SDSL: variants seen among roughly 807,000 people sequenced by gnomAD.
SDSL encodes the protein serine dehydratase like.
SDSL carries 26 observed loss-of-function variants against 27.6 expected under a neutral mutation model. That is an observed-to-expected ratio of 0.94 (90% CI 0.69 to 1.31). The LOEUF is 1.31. SDSL is among the 50% of genes most tolerant of loss of function. SDSL has a pLI of 0.00. For synonymous variants in SDSL, 196 were observed against 180.6 expected (o/e 1.09, Z -0.69); for missense variants, 431 against 423.5 (o/e 1.02, Z -0.16).
intron 4 of SDSL, among the ~76,000 whole-genome samples, chr12:113,432,229 TTTCTTTCTTTCTTTC>T (rs1957932692): frequency 3.4e-5 from 2 of 59,582 alleles, no homozygotes; most frequent in Non-Finnish European, 7.9e-5. Context: ...TCTTTCTTTC[TTTCTTTCTTTCTTTC>T]TTTCTTTCTT....
intron 4 of SDSL, 62 bp downstream of exon 4, chr12:113,429,361 C>A (rs1957891734): frequency 1.3e-6 from 2 of 1,517,766 alleles, no homozygotes; most frequent in Non-Finnish European, 1.8e-6. Flanking sequence ...CTCACCCCAC[C>A]CCTAAGACAT....
In SDSL at chr12:113,428,110, C is replaced by G. The variant is rs778002654; in HGVS notation, c.128C>G (p.Pro43Arg). Residue 43 changes from proline (P) to arginine (R), a missense_variant, in exon 2 of 8, where the codon CCC becomes CGC. By Grantham distance (103) the Pro-to-Arg change is moderately radical. Transcript: ENST00000403593. Reference sequence around the variant, plus strand: ...TTCCTCAAGTGTGAGAATGTGCAGCCCAGCGGCTCCTTCAAGATTCGGGGC... The same window carrying G: ...TTCCTCAAGTGTGAGAATGTGCAGCGCAGCGGCTCCTTCAAGATTCGGGGC... Reference protein sequence around the residue: ...PVFLKCENVQPSGSFKIRGIG... With the variant: ...PVFLKCENVQRSGSFKIRGIG... 6 of 1,613,606 alleles carry G rather than the reference C, an allele frequency of 3.7e-6. No individual in the cohort carries two copies. Among genetic ancestry groups the G allele is most frequent in the Non-Finnish European group, 1.7e-6 (2 of 1,179,844 alleles).
At chr12:113,430,556 C>T (rs538991187) in intron 4 of SDSL, among the ~76,000 whole-genome samples, 27 of 152,240 alleles carry the variant, frequency 1.8e-4, no homozygotes, top group South Asian at 4.1e-4. Context: ...ACTGGGGGCA[C>T]GTTCTTCTCA....
intron 6 of SDSL, among the ~76,000 whole-genome samples, chr12:113,435,890 G>A (rs956457441): frequency 2.6e-5 from 4 of 152,190 alleles, no homozygotes; most frequent in Admixed American, 2.0e-4. Flanking sequence ...GCTGAAGCAG[G>A]TGGATCACTT....
At chr12:113,429,495 C>T (rs1427402085) in intron 4 of SDSL, among the ~76,000 whole-genome samples, 196 bp downstream of exon 4, 2 of 152,148 alleles carry the variant, frequency 1.3e-5, no homozygotes, top group Non-Finnish European at 1.5e-5. Context: ...TTTCCTCTGC[C>T]CACCCTGAGA....
chr12:113,432,270 TTCTTTCTTTCTTTCTTTCTTTC>T (rs1266159469), intron 4 of SDSL, among the ~76,000 whole-genome samples: 29 of 116,336 alleles, frequency 2.5e-4, no homozygotes, highest in Non-Finnish European at 3.4e-4. Flanking sequence ...CTTTCTTTCT[TTCTTTCTTTCTTTCTTTCTTTC>T]TCTCTCTCTC....
chr12:113,423,697 G>C (rs1223260493), intron 1 of SDSL, among the ~76,000 whole-genome samples: 2 of 152,142 alleles, frequency 1.3e-5, no homozygotes, highest in Non-Finnish European at 2.9e-5. Context: ...AGCCATGATC[G>C]TGCCACTGCA....
chr12:113,432,048 C>T (rs1957928631), intron 4 of SDSL, among the ~76,000 whole-genome samples: 1 of 151,434 alleles, frequency 6.6e-6, no homozygotes, highest in Non-Finnish European at 1.5e-5. Flanking sequence ...AACTGCTGCG[C>T]CCAGCCTAAT....
intron 1 of SDSL, 172 bp downstream of exon 1, chr12:113,422,649 A>C (rs1957805420): frequency 1.3e-5 from 2 of 152,286 alleles, no homozygotes; most frequent in African/African-American, 4.8e-5. Flanking sequence ...GATTGAATTC[A>C]GGGTGCCCTG....
At chr12:113,425,575 A>C in intron 1 of SDSL, 1 of 439,896 alleles carries the variant, frequency 2.3e-6, no homozygotes, top group South Asian at 1.6e-5. Context: ...TCTGCCTGGG[A>C]CAAGAGGAGC....
At chr12:113,434,002 G>T in intron 4 of SDSL, 132 bp from the exon 5 acceptor site, 1 of 651,842 alleles carries the variant, frequency 1.5e-6, no homozygotes, top group Non-Finnish European at 2.6e-6. Context: ...CCCACACCAG[G>T]TATGGTCTCA....
At chr12:113,434,373 C>T in intron 5 of SDSL, 151 bp downstream of exon 5, 1 of 586,642 alleles carries the variant, frequency 1.7e-6, no homozygotes, top group Non-Finnish European at 3.0e-6. Context: ...CCACTTCTGC[C>T]CCCTTGTGAA....
intron 1 of SDSL, chr12:113,426,093 C>G (rs563595891): frequency 1.8e-5 from 8 of 443,476 alleles, no homozygotes; most frequent in African/African-American, 1.2e-4. Context: ...TCTCCGTGGG[C>G]GGGAACCCCC....
chr12:113,431,233 G>T (rs571837589), intron 4 of SDSL, among the ~76,000 whole-genome samples: 2 of 152,338 alleles, frequency 1.3e-5, no homozygotes, highest in South Asian at 4.1e-4. Flanking sequence ...GGGCAGAGTT[G>T]CTCCATCAGG....
At chr12:113,425,452 C>A (rs1026303249) in intron 1 of SDSL, among the ~76,000 whole-genome samples, 6 of 152,232 alleles carry the variant, frequency 3.9e-5, no homozygotes, top group African/African-American at 1.4e-4. Flanking sequence ...TCTTGGAACC[C>A]CAGCCATGAC....
intron 1 of SDSL, among the ~76,000 whole-genome samples, 174 bp from the exon 2 acceptor site, chr12:113,427,788 G>T (rs753244592): frequency 6.6e-6 from 1 of 152,230 alleles, no homozygotes; most frequent in Non-Finnish European, 1.5e-5. Context: ...TTGACCAGAT[G>T]GGGAAACTGA....
At position 113,438,010 on chromosome 12, in the gene SDSL, C is replaced by A. The variant is rs61734860; in HGVS notation, c.921C>A (p.Ile307=). 1.9e-6 allele frequency: 3 copies of A among 1,614,174 alleles called. No homozygotes were observed. The highest frequency in any genetic ancestry group is 2.5e-6 in the Non-Finnish European group (3 of 1,180,010). ...CTTCCCTGACTTCAGTTGTGGTAAT[C>A]GTGTGTGGAGGCAACAACATCAACA... ...LPPSLTSVVV[I]VCGGNNINSR... Residue 307 remains isoleucine (I), a synonymous_variant, in exon 8 of 8, where the codon ATC becomes ATA. Coordinates refer to ENST00000403593, the MANE Select transcript of SDSL (RefSeq NM_001304993.2).
chr12:113,425,997 G>GACCACC (rs968084507), intron 1 of SDSL, among the ~76,000 whole-genome samples: 8 of 151,696 alleles, frequency 5.3e-5, no homozygotes, highest in Admixed American at 2.0e-4. Context: ...AAAACACCAC[G>GACCACC]ACCACCACCA....
intron 6 of SDSL, 21 bp from the exon 7 acceptor site, chr12:113,436,730 C>A: frequency 1.3e-6 from 2 of 1,573,192 alleles, no homozygotes; most frequent in South Asian, 2.3e-5. Context: ...TCTCCCTGCC[C>A]CACCCTGCTC....
Sources: gnomAD v4.1 joint callset for allele counts (sites outside exome capture counted in the v4.1 genomes callset) on GRCh38, gnomAD v4.1.1 for gene constraint, MANE v1.5 for transcripts, NCBI Gene and HGNC (gene_info 2026-07-23, HGNC 2026-07-21) for gene names.